LONP2: variants seen among roughly 807,000 people sequenced by gnomAD.
The protein encoded by LONP2 is lon protease homolog 2, peroxisomal.
A neutral mutation model predicts 85.6 loss-of-function variants in LONP2; 60 were observed. The observed-to-expected ratio is 0.70, with a 90% CI of 0.57 to 0.87. The LOEUF is 0.87. Ranked by LOEUF, LONP2 falls within the 40% of genes least tolerant of loss-of-function variation. The pLI is 0.00. For missense variants in LONP2, 860 were observed against 1,063.5 expected, an observed-to-expected ratio of 0.81 and a Z score of 2.66; for synonymous variants, 395 against 389.7, an observed-to-expected ratio of 1.01 and a Z score of -0.16.
chr16:48,262,354 A>G (rs1311744766), intron 5 of LONP2, among the ~76,000 whole-genome samples: 1 of 152,226 alleles, frequency 6.6e-6, no homozygotes, highest in African/African-American at 2.4e-5. Flanking sequence ...GATATATGTC[A>G]CTTGACTATC....
intron 2 of LONP2, among the ~76,000 whole-genome samples, chr16:48,254,962 G>A (rs1971729012): frequency 6.6e-6 from 1 of 152,178 alleles, no homozygotes; most frequent in African/African-American, 2.4e-5. Flanking sequence ...CACCTGAACA[G>A]CTTCATCGTA....
At chr16:48,292,323 C>T (rs12935020) in intron 8 of LONP2, among the ~76,000 whole-genome samples, 3,556 of 152,096 alleles carry the variant, frequency 0.023, 59 homozygotes, top group Non-Finnish European at 0.039. Flanking sequence ...TCTTGGGGCC[C>T]ACAAGGAATT....
At chr16:48,338,797 A>G (rs1257384954) in intron 12 of LONP2, among the ~76,000 whole-genome samples, 1 of 152,064 alleles carries the variant, frequency 6.6e-6, no homozygotes, top group Non-Finnish European at 1.5e-5. Context: ...AGTCACAACT[A>G]CTTGGGAGGC....
chr16:48,281,922 G>C (rs1179301953), intron 8 of LONP2, among the ~76,000 whole-genome samples: 1 of 152,158 alleles, frequency 6.6e-6, no homozygotes, highest in Admixed American at 6.5e-5. Flanking sequence ...ATCTAATCCA[G>C]CTTCATGCTC....
chr16:48,346,797 T>A (rs1237857214), intron 12 of LONP2, among the ~76,000 whole-genome samples: 1 of 152,116 alleles, frequency 6.6e-6, no homozygotes, highest in African/African-American at 2.4e-5. Context: ...GGGTTTCTAC[T>A]TTTTGAAACA....
At chr16:48,333,009 AAAAG>A (rs958123912) in intron 11 of LONP2, among the ~76,000 whole-genome samples, 1 of 152,210 alleles carries the variant, frequency 6.6e-6, no homozygotes, top group African/African-American at 2.4e-5. Context: ...GTGTGTTAAA[AAAAG>A]GTAATGAAAG....
In LONP2 at chr16:48,244,340, C is replaced by G; in HGVS notation, c.-49C>G. On this transcript the variant is annotated 5_prime_UTR_variant, in exon 1 of 15. Coordinates refer to ENST00000285737, the MANE Select transcript of LONP2 (RefSeq NM_031490.5). ...TGACTGCGGGGCAGGCCGGGGGCAGCTGTCTGTCTGGCTCTTTTTGACAGC... is the reference window on the plus strand; with the variant it reads ...TGACTGCGGGGCAGGCCGGGGGCAGGTGTCTGTCTGGCTCTTTTTGACAGC... 2 of 1,368,660 alleles carry G rather than the reference C, an allele frequency of 1.5e-6. No homozygotes were observed. The highest frequency in any genetic ancestry group is 1.9e-6 in the Non-Finnish European group (2 of 1,028,120). The allele number at this position is 1,368,660 out of a possible 1,614,324, so 84.8% of individuals were successfully genotyped here.
chr16:48,274,464 A>G lies in LONP2; in HGVS notation c.1242-2874A>G, dbSNP rs1193803672. On this transcript the variant is annotated intron_variant, in intron 7 of 14. Coordinates refer to ENST00000285737, the MANE Select transcript of LONP2 (RefSeq NM_031490.5). Reference sequence around the variant, plus strand: ...TATTTTGGAAGTTATGCAACCCTTTAGACGAGTACACCCATACAAATTAGT... The same window carrying G: ...TATTTTGGAAGTTATGCAACCCTTTGGACGAGTACACCCATACAAATTAGT... Among the ~76,000 whole-genome samples, 6 of 152,270 alleles carry G rather than the reference A, an allele frequency of 3.9e-5. 1 individual carries two copies. The South Asian group carries it at 8.3e-4, about 21-fold the overall frequency.
At chr16:48,269,728 T>C (rs530065647) in intron 6 of LONP2, among the ~76,000 whole-genome samples, 1 of 152,160 alleles carries the variant, frequency 6.6e-6, no homozygotes, top group East Asian at 1.9e-4. Flanking sequence ...ACACATACAA[T>C]ATGTAGAAAT....
At chr16:48,362,346 G>A, downstream of LONP2, 1 of 1,614,190 alleles carries the variant, frequency 6.2e-7, no homozygotes, top group Non-Finnish European at 8.5e-7. This position sits in a 1 kb window ranked among gnomAD's most constrained non-coding sequence, Gnocchi z 4.2. Context: ...GGATGCAGTT[G>A]TGCCAGTCAG....
Position 48,362,463 on chromosome 16 carries a change from A to G in LONP2, c.*600A>G, listed in dbSNP as rs1280712926. On this transcript the variant is annotated 3_prime_UTR_variant, in exon 5 of 5. Transcript: ENST00000565867. This position sits in a 1 kb window ranked among gnomAD's most constrained non-coding sequence, Gnocchi z 4.2. ...AAATACATAAGGAGGCAGGAGAAAA[A>G]TAATTATAACCATGACTTACTTTAT... 3.7e-6 allele frequency: 6 copies of G among 1,606,582 alleles called. No individual in the cohort carries two copies. Among genetic ancestry groups the G allele is most frequent in the Non-Finnish European group, 5.1e-6 (6 of 1,174,450 alleles).
At chr16:48,319,923 G>A (rs911990281) in intron 11 of LONP2, among the ~76,000 whole-genome samples, 2 of 151,984 alleles carry the variant, frequency 1.3e-5, no homozygotes, top group Non-Finnish European at 2.9e-5. Context: ...AGCACTTTGG[G>A]AGGGCGAGGT....
intron 11 of LONP2, among the ~76,000 whole-genome samples, chr16:48,319,007 A>G (rs1222829230): frequency 1.3e-5 from 2 of 151,964 alleles, no homozygotes; most frequent in African/African-American, 2.4e-5. Context: ...TTCTTCTCCA[A>G]ATCTGAAACA....
chr16:48,296,721 TCA>T (rs1972680085), intron 9 of LONP2, among the ~76,000 whole-genome samples: 1 of 118,814 alleles, frequency 8.4e-6, no homozygotes, highest in Non-Finnish European at 1.7e-5. Flanking sequence ...AAACTCCATT[TCA>T]AAAAAAAAAA....
At chr16:48,261,977 T>C (rs1226415857) in intron 5 of LONP2, among the ~76,000 whole-genome samples, 1 of 152,222 alleles carries the variant, frequency 6.6e-6, no homozygotes, top group African/African-American at 2.4e-5. Context: ...AAGCCATTTT[T>C]CCTTTGCATA....
intron 2 of LONP2, among the ~76,000 whole-genome samples, chr16:48,253,578 A>G (rs1971697977): frequency 6.6e-6 from 1 of 152,216 alleles, no homozygotes; most frequent in Non-Finnish European, 1.5e-5. Context: ...ATAAGTGAAT[A>G]TACTGCTTAG....
intron 11 of LONP2, among the ~76,000 whole-genome samples, chr16:48,316,558 C>T (rs1304039455): frequency 1.3e-5 from 2 of 151,372 alleles, no homozygotes; most frequent in African/African-American, 4.9e-5. Flanking sequence ...AACTCCTGAC[C>T]TCAAGTGATC....
chr16:48,360,828 G>A (rs996745709), downstream of LONP2: 1 of 152,214 alleles, frequency 6.6e-6, no homozygotes, highest in Non-Finnish European at 1.5e-5. Flanking sequence ...CAGAAAGAGA[G>A]CACCTTATAG....
downstream of LONP2, among the ~76,000 whole-genome samples, chr16:48,360,048 A>C (rs1960519961): frequency 6.6e-6 from 1 of 152,236 alleles, no homozygotes; most frequent in Non-Finnish European, 1.5e-5. Flanking sequence ...GATATGAGCA[A>C]AGCACTGTTT....
Sources: allele counts gnomAD v4.1 joint callset (sites outside exome capture counted in the v4.1 genomes callset), GRCh38; gene constraint gnomAD v4.1.1; non-coding constraint Gnocchi (gnomAD v3.1); transcripts MANE v1.5; gene names NCBI Gene and HGNC (gene_info 2026-07-23, HGNC 2026-07-21).